ABCG8: variants seen among roughly 807,000 people sequenced by gnomAD.
The protein encoded by ABCG8 is ATP-binding cassette sub-family G member 8.
Under a neutral mutation model 71.3 loss-of-function variants are expected in ABCG8, and 81 were observed. The ratio of observed to expected loss-of-function variants is 1.14; its 90% CI spans 0.95 to 1.37. The LOEUF is 1.37. Ranked by LOEUF, ABCG8 falls within the 40% of genes most tolerant of loss-of-function variation. The pLI is 0.00. For missense variants in ABCG8, 1,119 were observed against 866.2 expected (o/e 1.29, Z -3.66); for synonymous variants, 451 against 354.7 (o/e 1.27, Z -3.05).
At position 43,860,220 on chromosome 2, in the gene ABCG8, TCTCA is replaced by T. The variant is rs560883999; in HGVS notation, c.964+7356_964+7359del. ...AGAATTCTCACCATCTGGATAAAAC[TCTCA>T]CTCTCTGGTAGAATTCTCATGATCT... On this transcript the variant is annotated intron_variant, in intron 6 of 12. Transcript: ENST00000272286. 3.0e-3 allele frequency among the ~76,000 whole-genome samples: 448 copies of T among 150,938 alleles called. 3 individuals carry two copies. Among genetic ancestry groups the T allele is most frequent in the African/African-American group, 0.011 (441 of 41,288 alleles).
At chr2:43,849,951 G>A (rs1435795670) in intron 3 of ABCG8, among the ~76,000 whole-genome samples, 1 of 152,144 alleles carries the variant, frequency 6.6e-6, no homozygotes, top group African/African-American at 2.4e-5. Flanking sequence ...TGTCATCCCA[G>A]CACTTTGGGA....
chr2:43,852,041 C>T (rs1023127257), intron 4 of ABCG8, among the ~76,000 whole-genome samples: 1 of 152,252 alleles, frequency 6.6e-6, no homozygotes, highest in Non-Finnish European at 1.5e-5. Context: ...CCCTTCACTG[C>T]ACTTGTCAAG....
Position 43,878,935 on chromosome 2 carries a change from T to C in ABCG8, c.*1022T>C, listed in dbSNP as rs1670045850. On this transcript the variant is annotated 3_prime_UTR_variant, in exon 13 of 13. Coordinates refer to ENST00000272286, the MANE Select transcript of ABCG8 (RefSeq NM_022437.3). ...AGATCCGACGGTTTTATAAGGGGCT[T>C]CCCTCTTCGCTCGGCTCTCATTCTC... The C allele has an allele frequency of 6.6e-6, 1 of 152,200 alleles. No homozygotes were observed. Among genetic ancestry groups the C allele is most frequent in the African/African-American group, 2.4e-5 (1 of 41,432 alleles). 9.4% of individuals were successfully genotyped at this position (152,200 alleles called of 1,614,324 possible).
In ABCG8 at chr2:43,873,987, G is replaced by A. The variant is rs774129955; in HGVS notation, c.1411+1G>A. 6.2e-7 allele frequency: 1 copy of A among 1,613,850 alleles called. No individual in the cohort carries two copies. The highest frequency in any genetic ancestry group is 2.2e-5 in the East Asian group (1 of 44,888). ...GTCATTCTGGATGTCATCTCCAAAT[G>A]TGAGTGTGGCCCACTGGCATGGGCA... On this transcript the variant is annotated splice_donor_variant, in intron 9 of 12. Transcript: ENST00000272286. LOFTEE classifies it high-confidence loss of function.
chr2:43,850,147 C>G (rs1668869007), intron 3 of ABCG8, among the ~76,000 whole-genome samples: 1 of 152,102 alleles, frequency 6.6e-6, no homozygotes, highest in Admixed American at 6.5e-5. Context: ...TCTCTTGAAC[C>G]TGGATGGTAG....
chr2:43,861,826 C>T (rs763194580), intron 6 of ABCG8, among the ~76,000 whole-genome samples: 1 of 151,002 alleles, frequency 6.6e-6, no homozygotes, highest in Non-Finnish European at 1.5e-5. Context: ...AATTCTCACT[C>T]TCTGGGTAGA....
chr2:43,856,191 T>G (rs1285462080), intron 6 of ABCG8, among the ~76,000 whole-genome samples: 1 of 152,000 alleles, frequency 6.6e-6, no homozygotes. Flanking sequence ...TCTATCTGAA[T>G]AGAATTCTCA....
At chr2:43,859,756 T>C (rs1321241757) in intron 6 of ABCG8, among the ~76,000 whole-genome samples, 2 of 151,198 alleles carry the variant, frequency 1.3e-5, no homozygotes, top group Non-Finnish European at 3.0e-5. Flanking sequence ...ACTCTCACTA[T>C]ATATCTGGAT....
chr2:43,864,870 G>T (rs527242726), intron 6 of ABCG8, among the ~76,000 whole-genome samples: 12 of 132,314 alleles, frequency 9.1e-5, no homozygotes, highest in Middle Eastern at 5.3e-3. Context: ...CTATCTGGAC[G>T]GAATTCTCAC....
At chr2:43,863,954 C>G (rs370319996) in intron 6 of ABCG8, among the ~76,000 whole-genome samples, 49 of 151,722 alleles carry the variant, frequency 3.2e-4, no homozygotes, top group African/African-American at 1.2e-3. Context: ...AGGATTCTCA[C>G]TCTGTAGGTA....
chr2:43,872,924 C>G (rs72798839), intron 8 of ABCG8, among the ~76,000 whole-genome samples: 1 of 152,192 alleles, frequency 6.6e-6, no homozygotes, highest in Admixed American at 6.5e-5. Context: ...GAAAGCCAGA[C>G]GGCACTGTGT....
At chr2:43,862,387 G>A (rs1558830704) in intron 6 of ABCG8, among the ~76,000 whole-genome samples, 1 of 136,354 alleles carries the variant, frequency 7.3e-6, no homozygotes, top group Admixed American at 7.1e-5. Flanking sequence ...TCACTCTCTG[G>A]ATAGAACTCT....
intron 8 of ABCG8, 118 bp downstream of exon 8, chr2:43,872,424 A>G: frequency 8.2e-7 from 1 of 1,218,502 alleles, no homozygotes; most frequent in African/African-American, 1.5e-5. Context: ...GAGTCATTTG[A>G]AAAAAACAGC....
chr2:43,840,946 C>T (rs548359923), intron 1 of ABCG8, among the ~76,000 whole-genome samples: 4 of 152,154 alleles, frequency 2.6e-5, no homozygotes, highest in Non-Finnish European at 5.9e-5. Flanking sequence ...GGACTTGGGG[C>T]CATTTGCACA....
At chr2:43,857,498 T>G in intron 6 of ABCG8, among the ~76,000 whole-genome samples, 1 of 151,666 alleles carries the variant, frequency 6.6e-6, no homozygotes, top group African/African-American at 2.4e-5. Context: ...GAATTCTCAC[T>G]CTGGAAAGAA....
In ABCG8 at chr2:43,878,345, T is replaced by G. The variant is rs1163911236; in HGVS notation, c.*432T>G. 6.8e-6 allele frequency: 2 copies of G among 295,558 alleles called. No individual in the cohort carries two copies. Among genetic ancestry groups the G allele is most frequent in the African/African-American group, 4.3e-5 (2 of 46,230 alleles). The allele number at this position is 295,558 out of a possible 1,614,324, so 18.3% of individuals were successfully genotyped here. On this transcript the variant is annotated 3_prime_UTR_variant, in exon 13 of 13. Coordinates refer to ENST00000272286, the MANE Select transcript of ABCG8 (RefSeq NM_022437.3). The stretch of plus-strand genomic sequence containing the variant: ...CTTCCAGGGGCCCCACACTCCGTGG[T>G]GAGCCACCATCAATACAGAAAGTGA...
At chr2:43,867,822 ACT>A (rs1669586302) in intron 6 of ABCG8, among the ~76,000 whole-genome samples, 1 of 150,648 alleles carries the variant, frequency 6.6e-6, no homozygotes, top group African/African-American at 2.4e-5. Flanking sequence ...TAGAATTCTC[ACT>A]CTCTAGATAG....
chr2:43,854,488 T>G (rs4076834), intron 6 of ABCG8, among the ~76,000 whole-genome samples: 15,289 of 151,860 alleles, frequency 0.1, 1,059 homozygotes, highest in African/African-American at 0.19. Context: ...ATTAGCTGGG[T>G]GCGTGACGCT....
chr2:43,878,242 G>A lies in ABCG8; in HGVS notation c.*329G>A, dbSNP rs865881285. 2.9e-5 allele frequency: 11 copies of A among 380,384 alleles called. No homozygotes were observed. Among genetic ancestry groups the A allele is most frequent in the Non-Finnish European group, 5.6e-5 (11 of 196,794 alleles). 23.6% of individuals were successfully genotyped at this position (380,384 alleles called of 1,614,324 possible). A position where few individuals can be genotyped will look rare whatever the true frequency, so the allele number is the denominator to read the frequency against. ...TATAGGATGGGAGCAAACTAGGAATGAATTGGGTAGCTAGACTGTGCAGGA... is the reference window on the plus strand; with the variant it reads ...TATAGGATGGGAGCAAACTAGGAATAAATTGGGTAGCTAGACTGTGCAGGA... On this transcript the variant is annotated 3_prime_UTR_variant, in exon 13 of 13. Transcript: ENST00000272286.
Sources: allele counts gnomAD v4.1 joint callset (sites outside exome capture counted in the v4.1 genomes callset), GRCh38; gene constraint gnomAD v4.1.1; transcripts MANE v1.5; gene names NCBI Gene and HGNC (gene_info 2026-07-23, HGNC 2026-07-21).